Variants in ACOT7 observed in about 807,000 individuals in gnomAD.
ACOT7 encodes cytosolic acyl coenzyme A thioester hydrolase.
A neutral mutation model predicts 40.2 loss-of-function variants in ACOT7; 12 were observed. The ratio of observed to expected loss-of-function variants is 0.30; its 90% CI spans 0.19 to 0.48. ACOT7 has a LOEUF of 0.48. ACOT7 is among the 20% of genes least tolerant of loss of function. ACOT7 has a pLI of 0.99. For missense variants in ACOT7, 395 were observed against 530.8 expected, an observed-to-expected ratio of 0.74 and a Z score of 2.51; for synonymous variants, 228 against 219.5, an observed-to-expected ratio of 1.04 and a Z score of -0.34.
chr1:6,388,505 G>C (rs1189047157), intron 1 of ACOT7, among the ~76,000 whole-genome samples: 7 of 149,256 alleles, frequency 4.7e-5, no homozygotes, highest in African/African-American at 1.7e-4. Context: ...TTGGGAGGCC[G>C]AGGCGGGCAG....
chr1:6,375,443 G>A (rs529729702), intron 1 of ACOT7, among the ~76,000 whole-genome samples: 5 of 152,158 alleles, frequency 3.3e-5, no homozygotes, highest in South Asian at 2.1e-4. Context: ...AGACGCGGGC[G>A]GATCACTTGA....
intron 1 of ACOT7, among the ~76,000 whole-genome samples, chr1:6,369,822 C>T (rs1323154932): frequency 6.6e-6 from 1 of 152,198 alleles, no homozygotes; most frequent in Non-Finnish European, 1.5e-5. Context: ...AAAGGCAATC[C>T]ACCTGCCTCA....
intron 1 of ACOT7, among the ~76,000 whole-genome samples, chr1:6,373,375 C>T (rs1485521823): frequency 1.3e-5 from 2 of 152,122 alleles, no homozygotes; most frequent in Non-Finnish European, 2.9e-5. Context: ...CTCAGCTTCC[C>T]ATGTAGCTGT....
intron 1 of ACOT7, among the ~76,000 whole-genome samples, chr1:6,390,933 C>G (rs1642523120): frequency 6.6e-6 from 1 of 151,672 alleles, no homozygotes; most frequent in South Asian, 2.1e-4. Context: ...GAGACTGTCT[C>G]AAAAACAAAC....
intron 1 of ACOT7, among the ~76,000 whole-genome samples, chr1:6,371,007 C>T (rs1449436866): frequency 6.6e-6 from 1 of 151,820 alleles, no homozygotes; most frequent in Non-Finnish European, 1.5e-5. Context: ...GACAGGGTTT[C>T]GCCATCTTGG....
intron 1 of ACOT7, among the ~76,000 whole-genome samples, chr1:6,361,642 A>T (rs1641896928): frequency 6.6e-6 from 1 of 152,050 alleles, no homozygotes; most frequent in Admixed American, 6.6e-5. Flanking sequence ...ACTAGTGAAA[A>T]GAAAGTTAAC....
Position 6,264,623 on chromosome 1 carries a change from GTCGCT to G in ACOT7, c.1082_1086del (p.Lys361ThrfsTer?). ...TAGGGCTGAGGCTCCGCGTGGCCCT[GTCGCT>G]TCGCCTTCATCTGCAGGTACCGCCC... On this transcript the variant is annotated frameshift_variant, in exon 9 of 9. Transcript: ENST00000361521. LOFTEE classifies it high-confidence loss of function. The G allele has an allele frequency of 6.2e-7, 1 of 1,613,116 alleles. No individual in the cohort carries two copies. The highest frequency in any genetic ancestry group is 8.5e-7 in the Non-Finnish European group (1 of 1,179,920).
At chr1:6,384,641 G>C (rs1642405628) in intron 1 of ACOT7, among the ~76,000 whole-genome samples, 1 of 151,780 alleles carries the variant, frequency 6.6e-6, no homozygotes, top group South Asian at 2.1e-4. Flanking sequence ...GGTATAGGAA[G>C]GTAAGGTTGA....
At chr1:6,333,202 C>T (rs555240139) in intron 4 of ACOT7, among the ~76,000 whole-genome samples, 22 of 152,384 alleles carry the variant, frequency 1.4e-4, no homozygotes, top group African/African-American at 4.6e-4. Flanking sequence ...GCTCACATTC[C>T]CAGCATGAAT....
chr1:6,358,800 C>T lies in ACOT7; in HGVS notation c.144-8934G>A, dbSNP rs1274071371. 6.8e-6 allele frequency: 11 copies of T among 1,611,536 alleles called. No homozygotes were observed. The highest frequency in any genetic ancestry group is 1.1e-5 in the South Asian group (1 of 91,016). On this transcript the variant is annotated intron_variant, in intron 1 of 8. Transcript: ENST00000361521. The surrounding 1 kb of genome is among the most constrained non-coding windows in gnomAD (Gnocchi z 4.1). ...CCACCCACAGTGGCCCCTGCACGGC[C>T]TAGACATGCCCATGACTGGCAGTAC...
At chr1:6,323,498 G>A (rs1050939919) in intron 5 of ACOT7, among the ~76,000 whole-genome samples, 2 of 151,756 alleles carry the variant, frequency 1.3e-5, no homozygotes, top group Admixed American at 6.6e-5. Flanking sequence ...CGGGCGGATC[G>A]CCTGAGGTCA....
intron 1 of ACOT7, among the ~76,000 whole-genome samples, chr1:6,386,385 G>A (rs1642441509): frequency 6.6e-6 from 1 of 152,162 alleles, no homozygotes; most frequent in African/African-American, 2.4e-5. Flanking sequence ...AGTAGAGGGA[G>A]GAGGGAGTGA....
At chr1:6,345,799 T>C (rs1641403530) in intron 2 of ACOT7, among the ~76,000 whole-genome samples, 1 of 151,990 alleles carries the variant, frequency 6.6e-6, no homozygotes, top group Admixed American at 6.6e-5. Flanking sequence ...ACAGTGCCTG[T>C]CTCAGCAGGT....
chr1:6,276,799 T>C (rs1399575863), intron 8 of ACOT7, among the ~76,000 whole-genome samples: 2 of 152,136 alleles, frequency 1.3e-5, no homozygotes, highest in Non-Finnish European at 2.9e-5. Flanking sequence ...AACATTGACA[T>C]CCATGGGCCC....
Position 6,349,782 on chromosome 1 carries a change from G to C in ACOT7, c.228C>G (p.Ile76Met), listed in dbSNP as rs1230109971. 1 of 1,614,084 alleles carries C rather than the reference G, an allele frequency of 6.2e-7. No homozygotes were observed. The highest frequency in any genetic ancestry group is 8.5e-7 in the Non-Finnish European group (1 of 1,180,012). ...ILKMIEEAGA[I>M]ISTRHCNSQN... ...GGCTGTTGCAATGCCGGGTGCTGAT[G>C]ATGGCGCCTGCCTCCTCGATCATCT... Residue 76 changes from isoleucine (I) to methionine (M), a missense_variant, in exon 2 of 9, where the codon ATC becomes ATG. Ile to Met is a conservative substitution (Grantham distance 10). Coordinates refer to ENST00000361521, the MANE Select transcript of ACOT7 (RefSeq NM_007274.4).
At chr1:6,371,050 C>CAG in intron 1 of ACOT7, among the ~76,000 whole-genome samples, 1 of 152,130 alleles carries the variant, frequency 6.6e-6, no homozygotes, top group East Asian at 1.9e-4. Context: ...ACCTCGTGAT[C>CAG]CACTTGCCTC....
chr1:6,360,854 C>T (rs1040851717), intron 1 of ACOT7: 14 of 1,082,606 alleles, frequency 1.3e-5, no homozygotes, highest in African/African-American at 1.6e-5. Context: ...CAGTGAGGAC[C>T]TACCAGGCTT....
At position 6,278,197 on chromosome 1, in the gene ACOT7, G is replaced by A. The variant is rs1639254175; in HGVS notation, c.1014+2905C>T. 6.6e-6 allele frequency among the ~76,000 whole-genome samples: 1 copy of A among 152,148 alleles called. No individual in the cohort carries two copies. Among genetic ancestry groups the A allele is most frequent in the South Asian group, 2.1e-4 (1 of 4,832 alleles). ...AAGTGCTGTAGCTCCAGGAGGCTCTGGGGAGGGTGGTCCAGATGGGAGCAG... is the reference window on the plus strand; with the variant it reads ...AAGTGCTGTAGCTCCAGGAGGCTCTAGGGAGGGTGGTCCAGATGGGAGCAG... On this transcript the variant is annotated intron_variant, in intron 8 of 8. Coordinates refer to ENST00000361521, the MANE Select transcript of ACOT7 (RefSeq NM_007274.4). This position sits in a 1 kb window ranked among gnomAD's most constrained non-coding sequence, Gnocchi z 4.1.
chr1:6,382,192 T>C (rs1039297999), intron 1 of ACOT7, among the ~76,000 whole-genome samples: 3 of 150,840 alleles, frequency 2.0e-5, no homozygotes, highest in Non-Finnish European at 4.4e-5. Flanking sequence ...GGCAGGCGGA[T>C]CACGAGGTCA....
Sources: gnomAD v4.1 joint callset for allele counts (sites outside exome capture counted in the v4.1 genomes callset) on GRCh38, gnomAD v4.1.1 for gene constraint, Gnocchi (gnomAD v3.1) non-coding constraint, MANE v1.5 for transcripts, NCBI Gene and HGNC (gene_info 2026-07-23, HGNC 2026-07-21) for gene names.